TENM2: variants seen among roughly 807,000 people sequenced by gnomAD.
TENM2 encodes the protein teneurin transmembrane protein 2.
TENM2 carries 52 observed loss-of-function variants against 245.2 expected under a neutral mutation model. The observed-to-expected ratio is 0.21, with a 90% confidence interval of 0.17 to 0.27. The LOEUF (loss-of-function observed/expected upper bound fraction) is 0.27. Among genes scored for constraint, TENM2 ranks in the 10% least tolerant of loss-of-function variants. The pLI is 1.00. For missense variants in TENM2, 3,046 were observed against 3,666.8 expected, an observed-to-expected ratio of 0.83 and a Z score of 4.37; for synonymous variants, 1,363 against 1,438.9, an observed-to-expected ratio of 0.95 and a Z score of 1.19.
intron 23 of TENM2, among the ~76,000 whole-genome samples, 195 bp downstream of exon 25, chr5:168,219,194 T>C (rs1395651967): frequency 6.6e-6 from 1 of 152,246 alleles, no homozygotes; most frequent in Non-Finnish European, 1.5e-5. Flanking sequence ...ATCTCTGATA[T>C]TGAGCATCCT....
chr5:168,027,419 C>T (rs928103690), intron 5 of TENM2, among the ~76,000 whole-genome samples: 1 of 152,160 alleles, frequency 6.6e-6, no homozygotes, highest in Non-Finnish European at 1.5e-5. Context: ...TTTCAGGCAT[C>T]ATAGCTTCTG....
intron 2 of TENM2, among the ~76,000 whole-genome samples, chr5:167,758,574 C>T (rs1381545802): frequency 6.6e-6 from 1 of 152,180 alleles, no homozygotes; most frequent in African/African-American, 2.4e-5. Context: ...CCTCTCCATA[C>T]AGTCTTCTCT....
intron 12 of TENM2, among the ~76,000 whole-genome samples, chr5:168,154,293 G>A (rs188171229): frequency 2.0e-5 from 3 of 151,946 alleles, no homozygotes; most frequent in Non-Finnish European, 4.4e-5. Context: ...GCTCACTGCT[G>A]CAACCTCCAC....
At chr5:168,091,663 T>G (rs1308159114) in intron 8 of TENM2, among the ~76,000 whole-genome samples, 1 of 152,210 alleles carries the variant, frequency 6.6e-6, no homozygotes, top group Non-Finnish European at 1.5e-5. Context: ...TTCAGAAAGC[T>G]GAATCTCTCG....
chr5:168,233,930 C>T (rs1358483693), intron 25 of TENM2, among the ~76,000 whole-genome samples: 1 of 152,070 alleles, frequency 6.6e-6, no homozygotes, highest in African/African-American at 2.4e-5. Flanking sequence ...GAAAGATCGG[C>T]CCCCAGGATT....
rs1405983457 is a variant in TENM2, at chr5:167,725,568, A to G, written c.503-150418A>G. Among the ~76,000 whole-genome samples, 4 of 152,168 alleles carry G rather than the reference A, an allele frequency of 2.6e-5. No individual in the cohort carries two copies. The South Asian group carries it at 6.2e-4, about 24-fold the overall frequency. ...ACCTCTAATGCATTTACTTATTTTC[A>G]TCCTCACTGTCCATCACACTCCCTC... On this transcript the variant is annotated intron_variant, in intron 2 of 28. Coordinates refer to ENST00000518659, the Ensembl canonical transcript of TENM2.
intron 27 of TENM2, among the ~76,000 whole-genome samples, chr5:168,252,949 A>G (rs1400523768): frequency 1.3e-5 from 2 of 151,764 alleles, no homozygotes; most frequent in East Asian, 3.9e-4. Context: ...TTAGAGCCAC[A>G]GTATTTTTTG....
At chr5:167,916,502 G>A (rs1005465066) in intron 3 of TENM2, among the ~76,000 whole-genome samples, 2 of 152,120 alleles carry the variant, frequency 1.3e-5, no homozygotes. Flanking sequence ...CAACTACAAA[G>A]CTGTTTCCAG....
intron 14 of TENM2, among the ~76,000 whole-genome samples, chr5:168,192,597 C>G (rs1275053118): frequency 6.6e-6 from 1 of 152,156 alleles, no homozygotes; most frequent in Non-Finnish European, 1.5e-5. Context: ...TTAACATATA[C>G]TATACACAGT....
At chr5:168,023,514 G>T (rs1473418422) in intron 5 of TENM2, among the ~76,000 whole-genome samples, 3 of 152,194 alleles carry the variant, frequency 2.0e-5, no homozygotes, top group Non-Finnish European at 2.9e-5. Flanking sequence ...GCCCAGGCGG[G>T]GATGCGGGGC....
the TENM2 span, among the ~76,000 whole-genome samples, chr5:167,053,797 T>C: frequency 1.3e-5 from 2 of 152,188 alleles, no homozygotes; most frequent in African/African-American, 4.8e-5. Context: ...GTTAGCCACC[T>C]CATTATTATA....
intron 2 of TENM2, among the ~76,000 whole-genome samples, chr5:167,831,195 A>G (rs1254964232): frequency 2.0e-5 from 3 of 152,066 alleles, no homozygotes; most frequent in Admixed American, 6.6e-5. Flanking sequence ...TGGCTTATAT[A>G]AATTTTGAAT....
chr5:167,647,834 C>A (rs908889923), intron 2 of TENM2, among the ~76,000 whole-genome samples: 1 of 152,080 alleles, frequency 6.6e-6, no homozygotes, highest in Non-Finnish European at 1.5e-5. Flanking sequence ...CTGGCAGAAC[C>A]CTTCCCAATT....
the TENM2 span, among the ~76,000 whole-genome samples, chr5:167,200,468 G>A: frequency 6.6e-6 from 1 of 152,004 alleles, no homozygotes; most frequent in South Asian, 2.1e-4. Flanking sequence ...AAGTCCAAGA[G>A]CAATGGTGGG....
the TENM2 span, among the ~76,000 whole-genome samples, chr5:167,254,232 A>G: frequency 1.3e-5 from 2 of 152,122 alleles, no homozygotes; most frequent in African/African-American, 4.8e-5. Context: ...AAAGAGAAAA[A>G]GGGCAGTTTC....
chr5:168,150,018 C>G (rs556729539), intron 12 of TENM2, among the ~76,000 whole-genome samples: 175 of 152,280 alleles, frequency 1.1e-3, no homozygotes, highest in Admixed American at 3.4e-3. Context: ...ATAAGACAGT[C>G]ACCTCCATCA....
chr5:168,215,394 T>A, intron 21 of TENM2, 122 bp downstream of exon 23: 1 of 757,342 alleles, frequency 1.3e-6, no homozygotes, highest in Non-Finnish European at 2.2e-6. Flanking sequence ...TGTAATCATT[T>A]AACTCAGATA....
chr5:167,828,295 A>G (rs1240005754), intron 2 of TENM2, among the ~76,000 whole-genome samples: 1 of 152,166 alleles, frequency 6.6e-6, no homozygotes, highest in Non-Finnish European at 1.5e-5. Flanking sequence ...CTCAGATCTC[A>G]GCTCCGATGC....
intron 2 of TENM2, among the ~76,000 whole-genome samples, chr5:167,599,169 G>A (rs984999933): frequency 2.0e-5 from 3 of 152,148 alleles, no homozygotes; most frequent in East Asian, 1.9e-4. Flanking sequence ...AATTTATAGC[G>A]GAAAATGATC....
Sources: gnomAD v4.1 joint callset for allele counts (sites outside exome capture counted in the v4.1 genomes callset) on GRCh38, gnomAD v4.1.1 for gene constraint, MANE v1.5 for transcripts, NCBI Gene and HGNC (gene_info 2026-07-23, HGNC 2026-07-21) for gene names.